The following MAST2 variants were observed in gnomAD, a reference collection of about 807,000 sequenced individuals.
MAST2 encodes the protein microtubule associated serine/threonine kinase 2, also known as microtubule-associated serine/threonine-protein kinase 2.
In MAST2, 70 loss-of-function variants were observed where a neutral mutation model predicts 147.4. The ratio of observed to expected loss-of-function variants is 0.47; its 90% confidence interval spans 0.39 to 0.58. The LOEUF is 0.58. Among genes scored for constraint, MAST2 ranks in the 20% least tolerant of loss-of-function variants. The pLI is 0.00. For missense variants in MAST2, 2,080 were observed against 2,302.3 expected (o/e 0.90, Z 1.98); for synonymous variants, 869 against 896.8 (o/e 0.97, Z 0.55).
intron 5 of MAST2, among the ~76,000 whole-genome samples, chr1:45,992,879 AAGTG>A (rs1644905227): frequency 6.6e-6 from 1 of 151,850 alleles, no homozygotes; most frequent in Non-Finnish European, 1.5e-5. Context: ...ATTTGGGGTT[AAGTG>A]TGTATTTTTA....
chr1:46,015,379 T>C (rs1348660572), intron 10 of MAST2, among the ~76,000 whole-genome samples: 2 of 151,996 alleles, frequency 1.3e-5, no homozygotes, highest in Non-Finnish European at 2.9e-5. Context: ...AATTAATGAA[T>C]CCAGGAGCTG....
At chr1:45,971,357 C>T (rs1468692942) in intron 5 of MAST2, among the ~76,000 whole-genome samples, 9 of 152,172 alleles carry the variant, frequency 5.9e-5, no homozygotes, top group Non-Finnish European at 1.2e-4. Context: ...ACTTTGTGTC[C>T]TCAGGAAGGA....
chr1:45,937,028 C>T (rs1656298311), intron 4 of MAST2, among the ~76,000 whole-genome samples: 1 of 134,236 alleles, frequency 7.4e-6, no homozygotes, highest in African/African-American at 2.8e-5. Context: ...AGGCATTATA[C>T]CACCATGCCT....
chr1:45,866,266 A>G (rs1228026809), intron 3 of MAST2, among the ~76,000 whole-genome samples: 1 of 152,166 alleles, frequency 6.6e-6, no homozygotes, highest in African/African-American at 2.4e-5. Flanking sequence ...TTTAAAAGTC[A>G]ATAACATAAA....
intron 4 of MAST2, among the ~76,000 whole-genome samples, chr1:45,912,770 G>A (rs1243312930): frequency 6.6e-6 from 1 of 152,172 alleles, no homozygotes; most frequent in African/African-American, 2.4e-5. Context: ...TTTCTCAGAT[G>A]TCTTCCTATT....
intron 5 of MAST2, among the ~76,000 whole-genome samples, chr1:45,967,652 T>G (rs923153240): frequency 2.6e-5 from 4 of 152,154 alleles, no homozygotes; most frequent in East Asian, 3.9e-4. Context: ...TTAGTCTTGC[T>G]ATGTCAGGAG....
At chr1:45,872,482 GTT>G (rs796554757) in intron 3 of MAST2, among the ~76,000 whole-genome samples, 5 of 140,674 alleles carry the variant, frequency 3.6e-5, no homozygotes, top group Non-Finnish European at 4.7e-5. Context: ...CCATTTCGTG[GTT>G]TTTTTTTTTT....
At chr1:45,805,440 C>T (rs1404620323) in intron 1 of MAST2, among the ~76,000 whole-genome samples, 2 of 132,148 alleles carry the variant, frequency 1.5e-5, no homozygotes, top group Non-Finnish European at 3.2e-5. Context: ...CATTGACCAT[C>T]TCTGCCCCGC....
At chr1:45,824,044 G>T (rs1011276190) in intron 1 of MAST2, among the ~76,000 whole-genome samples, 13 of 152,070 alleles carry the variant, frequency 8.5e-5, no homozygotes, top group African/African-American at 3.1e-4. Context: ...TATATGCCAG[G>T]TAAAGTCTAC....
intron 3 of MAST2, among the ~76,000 whole-genome samples, chr1:45,829,873 CTT>C (rs1017926274): frequency 2.1e-5 from 3 of 140,992 alleles, no homozygotes; most frequent in African/African-American, 5.2e-5. Context: ...TTTTTTTTTT[CTT>C]TTTTTTTTTG....
At chr1:45,953,486 C>T (rs531234167) in intron 4 of MAST2, among the ~76,000 whole-genome samples, 2 of 152,224 alleles carry the variant, frequency 1.3e-5, no homozygotes, top group Middle Eastern at 6.8e-3. Context: ...AGACAGTAAA[C>T]ATAGTTTATG....
At chr1:45,863,567 A>G (rs1474150966) in intron 3 of MAST2, among the ~76,000 whole-genome samples, 1 of 152,222 alleles carries the variant, frequency 6.6e-6, no homozygotes, top group African/African-American at 2.4e-5. Flanking sequence ...GCAATTTCTT[A>G]TGACTATAAT....
chr1:45,954,136 C>T (rs1311256282), intron 4 of MAST2, among the ~76,000 whole-genome samples: 1 of 152,140 alleles, frequency 6.6e-6, no homozygotes, highest in Non-Finnish European at 1.5e-5. Context: ...TGCTCAAGTT[C>T]CTAGGAGCAG....
In MAST2 at chr1:46,019,504, G is replaced by C; in HGVS notation, c.1189-92G>C. On this transcript the variant is annotated intron_variant, in intron 10 of 28. Coordinates refer to ENST00000361297, the MANE Select transcript of MAST2 (RefSeq NM_015112.3). ...GCGGAGCTCTCTATGCTACCGAATT[G>C]TTTCTCCCTGGAGTCAGCTCTGCCC... 5 of 979,844 alleles carry C rather than the reference G, an allele frequency of 5.1e-6. 1 individual carries two copies. In the South Asian group the frequency reaches 7.0e-5, roughly 14 times the overall value. The allele number at this position is 979,844 out of a possible 1,614,324, so 60.7% of individuals were successfully genotyped here. A position where few individuals can be genotyped will look rare whatever the true frequency, so the allele number is the denominator to read the frequency against.
intron 1 of MAST2, among the ~76,000 whole-genome samples, chr1:45,814,215 T>A (rs1466462358): frequency 2.0e-5 from 3 of 152,034 alleles, no homozygotes; most frequent in Non-Finnish European, 2.9e-5. Context: ...CCCCTACTTA[T>A]TAAAAAAAAA....
chr1:45,949,656 A>G (rs1658633451), intron 4 of MAST2, among the ~76,000 whole-genome samples: 2 of 152,206 alleles, frequency 1.3e-5, no homozygotes, highest in Non-Finnish European at 2.9e-5. Flanking sequence ...GGAAAGCAGT[A>G]TGGTGATTCC....
At chr1:45,830,495 C>G (rs1644923882) in intron 3 of MAST2, among the ~76,000 whole-genome samples, 1 of 152,018 alleles carries the variant, frequency 6.6e-6, no homozygotes, top group African/African-American at 2.4e-5. Flanking sequence ...TTTTGATTGC[C>G]CTCTCATGCT....
intron 3 of MAST2, chr1:45,847,700 G>A: frequency 3.4e-6 from 1 of 291,766 alleles, no homozygotes; most frequent in South Asian, 5.1e-5. Context: ...GAGTACCCGT[G>A]CCAAATCCCC....
At chr1:45,983,220 A>G (rs890134225) in intron 5 of MAST2, among the ~76,000 whole-genome samples, 5 of 152,184 alleles carry the variant, frequency 3.3e-5, no homozygotes, top group Non-Finnish European at 7.3e-5. Flanking sequence ...TTAAAAATTG[A>G]TTACTTAATA....
Sources: allele counts gnomAD v4.1 joint callset (sites outside exome capture counted in the v4.1 genomes callset), GRCh38; gene constraint gnomAD v4.1.1; transcripts MANE v1.5; gene names NCBI Gene and HGNC (gene_info 2026-07-23, HGNC 2026-07-21).